DOCK5: variants seen among roughly 807,000 people sequenced by gnomAD.
DOCK5 encodes the protein dedicator of cytokinesis 5.
Under a neutral mutation model 251.8 loss-of-function variants are expected in DOCK5, and 142 were observed. That is an observed-to-expected ratio of 0.56 (90% CI 0.49 to 0.65). The LOEUF (loss-of-function observed/expected upper bound fraction) is 0.65, where lower values mean the gene tolerates loss of function less well. Ranked by LOEUF, DOCK5 falls within the 30% of genes least tolerant of loss-of-function variation. DOCK5 has a pLI of 0.00. For synonymous variants in DOCK5, 842 were observed against 835.5 expected, an observed-to-expected ratio of 1.01 and a Z score of -0.13; for missense variants, 2,111 against 2,312.3, an observed-to-expected ratio of 0.91 and a Z score of 1.79.
chr8:25,338,785 C>T (rs1293746925), intron 22 of DOCK5, among the ~76,000 whole-genome samples: 1 of 152,196 alleles, frequency 6.6e-6, no homozygotes, highest in East Asian at 1.9e-4. Flanking sequence ...GTCCAAAAAT[C>T]AGTATCAACT....
At chr8:25,287,586 A>G (rs1804372147) in intron 5 of DOCK5, among the ~76,000 whole-genome samples, 1 of 152,192 alleles carries the variant, frequency 6.6e-6, no homozygotes, top group Non-Finnish European at 1.5e-5. Context: ...CACATTCTTC[A>G]TTCACATTGA....
Position 25,319,573 on chromosome 8 carries a change from T to C in DOCK5, c.1444-5T>C. 6.4e-7 allele frequency: 1 copy of C among 1,567,868 alleles called. No homozygotes were observed. The highest frequency in any genetic ancestry group is 1.2e-5 in the South Asian group (1 of 85,068). ...TCCCTTCTAATTTTTTCCTTCCATC[T>C]GAAGAAAGCAATTCACCCTGGTGCT... is the stretch of plus-strand genomic sequence containing the variant. On this transcript the variant is annotated splice_polypyrimidine_tract_variant and splice_region_variant and intron_variant, in intron 14 of 51. Coordinates refer to ENST00000276440, the MANE Select transcript of DOCK5 (RefSeq NM_024940.8).
At chr8:25,371,432 C>T (rs1429989965) in intron 34 of DOCK5, among the ~76,000 whole-genome samples, 2 of 152,100 alleles carry the variant, frequency 1.3e-5, no homozygotes, top group Non-Finnish European at 2.9e-5. Flanking sequence ...TGCACCACTG[C>T]ACTCCAGCCT....
rs1801694188 is a variant in DOCK5 at position 25,415,657 on chromosome 8, T to C, written c.*4359T>C. On this transcript the variant is annotated 3_prime_UTR_variant, in exon 52 of 52. Transcript: ENST00000276440. ...GATGTGCATTGAAGTAGGAAAATTTTGTTCAGATTTGCTGTTATTTATTTT... is the reference window on the plus strand; with the variant it reads ...GATGTGCATTGAAGTAGGAAAATTTCGTTCAGATTTGCTGTTATTTATTTT... The C allele has an allele frequency of 6.6e-6, 1 of 152,250 alleles. No individual in the cohort carries two copies. The highest frequency in any genetic ancestry group is 2.1e-4 in the South Asian group (1 of 4,832). The allele number at this position is 152,250 out of a possible 1,614,324, so 9.4% of individuals were successfully genotyped here.
intron 1 of DOCK5, among the ~76,000 whole-genome samples, chr8:25,223,063 G>A (rs1241208931): frequency 6.6e-6 from 1 of 152,108 alleles, no homozygotes; most frequent in East Asian, 1.9e-4. Context: ...TAGGAGCCAA[G>A]TTTTGGAATA....
rs764631312 is a variant in DOCK5, at chr8:25,391,915, G to T, written c.4375G>T (p.Val1459Leu). 6.2e-7 allele frequency: 1 copy of T among 1,613,884 alleles called. No individual in the cohort carries two copies. Among genetic ancestry groups the T allele is most frequent in the Non-Finnish European group, 8.5e-7 (1 of 1,179,846 alleles). The change falls in exon 43 of 52, where the codon GTG becomes TTG. Residue 1459 changes from valine (V) to leucine (L), a missense_variant. Transcript: ENST00000276440. The stretch of plus-strand genomic sequence containing the variant: ...CTCCAGCTACTACAGAGCCAATGAA[G>T]TGCAGCAGTTCAGATACTCCCGGCC... ...QILNYYRANE[V>L]QQFRYSRPFR...
intron 1 of DOCK5, among the ~76,000 whole-genome samples, chr8:25,218,615 G>A (rs867458906): frequency 6.6e-6 from 1 of 152,184 alleles, no homozygotes; most frequent in Non-Finnish European, 1.5e-5. Context: ...ACGTTCAGCT[G>A]TATGCTGGGG....
chr8:25,299,132 C>T, intron 8 of DOCK5, 31 bp downstream of exon 8: 1 of 1,605,372 alleles, frequency 6.2e-7, no homozygotes, highest in Non-Finnish European at 8.5e-7. Flanking sequence ...CTGCTGCTGA[C>T]CTAACAAAGA....
At chr8:25,197,038 T>TA (rs5890208) in intron 1 of DOCK5, among the ~76,000 whole-genome samples, 12 of 151,076 alleles carry the variant, frequency 7.9e-5, no homozygotes, top group African/African-American at 2.7e-4. Context: ...GTCTATTATT[T>TA]AAAAAAAAAA....
chr8:25,235,192 A>G (rs1409603344), intron 1 of DOCK5, among the ~76,000 whole-genome samples: 2 of 152,096 alleles, frequency 1.3e-5, no homozygotes, highest in Non-Finnish European at 2.9e-5. Context: ...AAAAACTCCT[A>G]TGATTATACA....
chr8:25,320,562 T>C lies in DOCK5; in HGVS notation c.1543-418T>C, dbSNP rs181273207. ...GTTTCTTCTCTCCCCTGTAGATAGGTAAGCAGCAGAAAACTGCTTTATGAG... is the reference window on the plus strand; with the variant it reads ...GTTTCTTCTCTCCCCTGTAGATAGGCAAGCAGCAGAAAACTGCTTTATGAG... On this transcript the variant is annotated intron_variant, in intron 15 of 51. Coordinates refer to ENST00000276440, the MANE Select transcript of DOCK5 (RefSeq NM_024940.8). Among the ~76,000 whole-genome samples the C allele has an allele frequency of 3.9e-5, 6 of 152,332 alleles. No individual in the cohort carries two copies. In the East Asian group the frequency reaches 1.2e-3, roughly 29 times the overall value.
At chr8:25,255,095 A>G (rs1314834874) in intron 2 of DOCK5, among the ~76,000 whole-genome samples, 1 of 152,202 alleles carries the variant, frequency 6.6e-6, no homozygotes, top group Non-Finnish European at 1.5e-5. Flanking sequence ...ACTCTCATTC[A>G]TTGCTGATGG....
At chr8:25,255,954 G>A (rs1170206726) in intron 2 of DOCK5, among the ~76,000 whole-genome samples, 1 of 152,238 alleles carries the variant, frequency 6.6e-6, no homozygotes, top group Non-Finnish European at 1.5e-5. Context: ...TGATTCAACA[G>A]AAATGGTCAT....
In DOCK5 at chr8:25,332,590, T is replaced by C; in HGVS notation, c.2002-13T>C. The stretch of plus-strand genomic sequence containing the variant: ...AAGCATCAAAATAACCTCTCCGTTT[T>C]TCTTATCTTCAGTTTTTGCAAGATA... On this transcript the variant is annotated splice_polypyrimidine_tract_variant and intron_variant, in intron 19 of 51. Transcript: ENST00000276440. The C allele has an allele frequency of 6.2e-7, 1 of 1,600,318 alleles. No homozygotes were observed. The highest frequency in any genetic ancestry group is 1.3e-5 in the African/African-American group (1 of 74,710).
At chr8:25,394,947 G>C (rs1221390932) in intron 44 of DOCK5, among the ~76,000 whole-genome samples, 3 of 151,994 alleles carry the variant, frequency 2.0e-5, no homozygotes, top group Admixed American at 6.6e-5. Context: ...GAAGGTGGGG[G>C]GTGTTGGGGG....
chr8:25,390,246 G>A lies in DOCK5; in HGVS notation c.4314G>A (p.Pro1438=), dbSNP rs148936272. The change falls in exon 42 of 52, where the codon CCG becomes CCA. Residue 1438 remains proline, a synonymous_variant. Coordinates refer to ENST00000276440, the MANE Select transcript of DOCK5 (RefSeq NM_024940.8). Reference sequence around the variant, plus strand: ...CTGTAAAGCCAGTGATGAGCTTGCCGCCCAGCTACAAGGATAAACCTGTTC... The same window carrying A: ...CTGTAAAGCCAGTGATGAGCTTGCCACCCAGCTACAAGGATAAACCTGTTC... ...CFTVKPVMSL[P]PSYKDKPVPE... is the part of the protein sequence containing the mutation. The A allele has an allele frequency of 1.5e-4, 234 of 1,593,304 alleles. No individual in the cohort carries two copies. In the African/African-American group the frequency reaches 2.4e-3, roughly 16 times the overall value.
At chr8:25,223,965 T>G (rs1214462301) in intron 1 of DOCK5, among the ~76,000 whole-genome samples, 1 of 152,202 alleles carries the variant, frequency 6.6e-6, no homozygotes, top group African/African-American at 2.4e-5. Context: ...TTTCTCTGTT[T>G]TATTTACTGC....
At chr8:25,354,644 G>C (rs1197076720) in intron 27 of DOCK5, among the ~76,000 whole-genome samples, 1 of 152,226 alleles carries the variant, frequency 6.6e-6, no homozygotes, top group African/African-American at 2.4e-5. Context: ...AGGAAAAAAA[G>C]TGAGGGGAAA....
At chr8:25,328,541 C>T (rs895713007) in intron 18 of DOCK5, among the ~76,000 whole-genome samples, 11 of 152,278 alleles carry the variant, frequency 7.2e-5, no homozygotes, top group African/African-American at 2.6e-4. Flanking sequence ...TCAGCTAATT[C>T]TGTGAGGGTG....
Sources: gnomAD v4.1 joint callset for allele counts (sites outside exome capture counted in the v4.1 genomes callset) on GRCh38, gnomAD v4.1.1 for gene constraint, MANE v1.5 for transcripts, NCBI Gene and HGNC (gene_info 2026-07-23, HGNC 2026-07-21) for gene names.